DCDC2: variants seen among roughly 807,000 people sequenced by gnomAD.
DCDC2 encodes the protein doublecortin domain containing 2, also known as doublecortin domain-containing protein 2.
Under a neutral mutation model 50.2 loss-of-function variants are expected in DCDC2, and 40 were observed. The observed-to-expected ratio is 0.80, with a 90% CI of 0.62 to 1.04. DCDC2 has a LOEUF of 1.04. DCDC2 is among the 50% of genes least tolerant of loss of function. The pLI is 0.00. For synonymous variants in DCDC2, 234 were observed against 210.6 expected (o/e 1.11, Z -0.96); for missense variants, 570 against 581.9 (o/e 0.98, Z 0.21).
chr6:24,354,717 G>A (rs1015731916), intron 1 of DCDC2, among the ~76,000 whole-genome samples: 1 of 152,090 alleles, frequency 6.6e-6, no homozygotes, highest in Non-Finnish European at 1.5e-5. Context: ...ATGCTGCAGA[G>A]TCAACTTCCA....
At chr6:24,261,136 A>G (rs1762999329) in intron 7 of DCDC2, among the ~76,000 whole-genome samples, 2 of 151,462 alleles carry the variant, frequency 1.3e-5, no homozygotes, top group Non-Finnish European at 2.9e-5. Flanking sequence ...AAAAAGAGCA[A>G]TTTTAGAATT....
At chr6:24,295,029 G>A (rs191284931) in intron 4 of DCDC2, among the ~76,000 whole-genome samples, 18 of 152,000 alleles carry the variant, frequency 1.2e-4, no homozygotes, top group East Asian at 3.9e-4. Flanking sequence ...AAAGCTTCAC[G>A]CCAAGTTTGT....
At chr6:24,382,509 T>C in the DCDC2 span, among the ~76,000 whole-genome samples, 1 of 152,170 alleles carries the variant, frequency 6.6e-6, no homozygotes, top group African/African-American at 2.4e-5. Context: ...CAAATTATTA[T>C]CAGATTTCAT....
chr6:24,300,024 G>GA (rs1424127720), intron 4 of DCDC2, among the ~76,000 whole-genome samples: 2 of 152,156 alleles, frequency 1.3e-5, no homozygotes, highest in East Asian at 1.9e-4. Flanking sequence ...TTTATTATAG[G>GA]AAAAAATCAA....
intron 2 of DCDC2, among the ~76,000 whole-genome samples, chr6:24,323,400 G>C (rs2113853177): frequency 6.6e-6 from 1 of 152,212 alleles, no homozygotes; most frequent in East Asian, 1.9e-4. Context: ...ATATCAGTGG[G>C]AAAACTGACA....
chr6:24,251,612 C>A (rs1027252482), intron 7 of DCDC2, among the ~76,000 whole-genome samples: 3 of 152,140 alleles, frequency 2.0e-5, no homozygotes, highest in Non-Finnish European at 4.4e-5. Flanking sequence ...GGCTTCAGCT[C>A]TCTGGTCTTG....
intron 2 of DCDC2, among the ~76,000 whole-genome samples, chr6:24,307,508 G>T (rs75813569): frequency 0.024 from 3,595 of 152,212 alleles, 119 homozygotes; most frequent in African/African-American, 0.079. Flanking sequence ...TTATCGTATG[G>T]ATTTAAGGAA....
At chr6:24,186,946 ACAAAC>A (rs539032373) in intron 8 of DCDC2, among the ~76,000 whole-genome samples, 146 of 152,272 alleles carry the variant, frequency 9.6e-4, no homozygotes, top group African/African-American at 3.4e-3. Context: ...AAGCCTGAGA[ACAAAC>A]CAACCCTGCC....
intron 9 of DCDC2, 82 bp from the exon 10 acceptor site, chr6:24,174,916 A>G (rs1760869731): frequency 1.3e-6 from 1 of 750,614 alleles, no homozygotes; most frequent in South Asian, 2.6e-5. Flanking sequence ...AAAATTACTC[A>G]AGATTCTATT....
chr6:24,350,691 T>A (rs1002188982), intron 2 of DCDC2, among the ~76,000 whole-genome samples: 2 of 152,110 alleles, frequency 1.3e-5, no homozygotes, highest in Non-Finnish European at 2.9e-5. Flanking sequence ...CTCTTAACCC[T>A]CCAATTTCAT....
At chr6:24,351,811 A>C (rs1413435800) in intron 2 of DCDC2, among the ~76,000 whole-genome samples, 1 of 152,216 alleles carries the variant, frequency 6.6e-6, no homozygotes, top group Non-Finnish European at 1.5e-5. Context: ...TGTTATTAAA[A>C]ATACTATTTT....
chr6:24,194,450 C>T (rs1761387733), intron 8 of DCDC2, among the ~76,000 whole-genome samples: 1 of 152,046 alleles, frequency 6.6e-6, no homozygotes, highest in African/African-American at 2.4e-5. Flanking sequence ...AGCAATAAAA[C>T]AAACCAAAAT....
chr6:24,201,734 A>G (rs1761593290), intron 8 of DCDC2, among the ~76,000 whole-genome samples: 1 of 152,210 alleles, frequency 6.6e-6, no homozygotes, highest in African/African-American at 2.4e-5. Flanking sequence ...TGAAAAGATT[A>G]ACAAAATAGA....
At chr6:24,180,518 G>T (rs990400562) in intron 8 of DCDC2, among the ~76,000 whole-genome samples, 1 of 152,026 alleles carries the variant, frequency 6.6e-6, no homozygotes, top group African/African-American at 2.4e-5. Context: ...TCGATCTCCT[G>T]ACCTTGTGAT....
intron 7 of DCDC2, among the ~76,000 whole-genome samples, chr6:24,221,343 T>C (rs767504958): frequency 1.4e-4 from 21 of 152,150 alleles, no homozygotes; most frequent in Non-Finnish European, 2.5e-4. Flanking sequence ...CACTTGCCTG[T>C]CCTCCTCTTC....
chr6:24,238,385 G>T (rs1251796341), intron 7 of DCDC2, among the ~76,000 whole-genome samples: 4 of 150,898 alleles, frequency 2.7e-5, no homozygotes, highest in African/African-American at 7.3e-5. Flanking sequence ...TGCAACCTCC[G>T]CCTCCCGGGT....
At chr6:24,281,357 T>A (rs1581629014) in intron 6 of DCDC2, among the ~76,000 whole-genome samples, 4 of 149,992 alleles carry the variant, frequency 2.7e-5, no homozygotes, top group African/African-American at 5.0e-5. Flanking sequence ...TTTTTTTTTT[T>A]AAAGATAGGC....
chr6:24,357,291 A>T, intron 1 of DCDC2, 167 bp downstream of exon 1: 1 of 729,174 alleles, frequency 1.4e-6, no homozygotes, highest in Non-Finnish European at 2.1e-6. Context: ...CACAGTGTCA[A>T]CCTCTACCCC....
intron 7 of DCDC2, among the ~76,000 whole-genome samples, chr6:24,268,345 G>A (rs1356223122): frequency 1.3e-5 from 2 of 152,050 alleles, no homozygotes; most frequent in Non-Finnish European, 2.9e-5. Context: ...AAATTAGCTG[G>A]ATGTGGTGGC....
Sources: gnomAD v4.1 joint callset for allele counts (sites outside exome capture counted in the v4.1 genomes callset) on GRCh38, gnomAD v4.1.1 for gene constraint, MANE v1.5 for transcripts, NCBI Gene and HGNC (gene_info 2026-07-23, HGNC 2026-07-21) for gene names.